The following MAN1A1 variants were observed in gnomAD, a reference collection of about 807,000 sequenced individuals.
The protein encoded by MAN1A1 is mannosyl-oligosaccharide 1,2-alpha-mannosidase IA.
Under a neutral mutation model 70.8 loss-of-function variants are expected in MAN1A1, and 29 were observed. The observed-to-expected ratio is 0.41, with a 90% CI of 0.31 to 0.56. The LOEUF (loss-of-function observed/expected upper bound fraction) is 0.56, where lower values mean the gene tolerates loss of function less well. Ranked by LOEUF, MAN1A1 falls within the 20% of genes least tolerant of loss-of-function variation. The pLI is 0.29. For missense variants in MAN1A1, 747 were observed against 841.3 expected, an observed-to-expected ratio of 0.89 and a Z score of 1.39; for synonymous variants, 349 against 330.1, an observed-to-expected ratio of 1.06 and a Z score of -0.62.
At chr6:119,233,480 A>G (rs1404067380) in intron 6 of MAN1A1, among the ~76,000 whole-genome samples, 23 of 152,218 alleles carry the variant, frequency 1.5e-4, no homozygotes. Flanking sequence ...ATGTAATGAG[A>G]CAATATGCCC....
chr6:119,247,299 T>C (rs1228983974), intron 6 of MAN1A1, among the ~76,000 whole-genome samples: 1 of 152,184 alleles, frequency 6.6e-6, no homozygotes, highest in East Asian at 1.9e-4. Flanking sequence ...AGCTCTACCA[T>C]TTACTTACTG....
intron 2 of MAN1A1, among the ~76,000 whole-genome samples, chr6:119,324,584 T>G (rs1338451054): frequency 6.6e-6 from 1 of 152,186 alleles, no homozygotes; most frequent in Non-Finnish European, 1.5e-5. Context: ...ATCAGAGTAT[T>G]TCTTACCCTT....
intron 5 of MAN1A1, among the ~76,000 whole-genome samples, chr6:119,287,467 G>A (rs993083871): frequency 2.6e-5 from 4 of 151,504 alleles, no homozygotes; most frequent in Non-Finnish European, 5.9e-5. Flanking sequence ...TATCATCTTT[G>A]CTTTACTCTT....
At chr6:119,203,217 G>A (rs539795133) in intron 7 of MAN1A1, among the ~76,000 whole-genome samples, 13 of 152,136 alleles carry the variant, frequency 8.5e-5, no homozygotes, top group Non-Finnish European at 1.5e-4. Context: ...GAGAGTTAAC[G>A]GGACAGGGTG....
intron 6 of MAN1A1, among the ~76,000 whole-genome samples, chr6:119,230,459 C>T (rs1002736289): frequency 6.6e-6 from 1 of 152,162 alleles, no homozygotes; most frequent in Non-Finnish European, 1.5e-5. Context: ...AGCCTCTTGG[C>T]CTTGTCCTGT....
intron 3 of MAN1A1, among the ~76,000 whole-genome samples, chr6:119,302,897 C>T (rs1238537590): frequency 6.6e-6 from 1 of 152,238 alleles, no homozygotes; most frequent in Non-Finnish European, 1.5e-5. Context: ...CCATCCCCTA[C>T]AAGTCCTGAC....
chr6:119,200,030 G>A (rs918498665), intron 8 of MAN1A1, among the ~76,000 whole-genome samples: 1 of 152,040 alleles, frequency 6.6e-6, no homozygotes, highest in African/African-American at 2.4e-5. Context: ...TAACACTGTA[G>A]GTGTAAATAT....
chr6:119,332,331 A>T (rs1409281535), intron 2 of MAN1A1, among the ~76,000 whole-genome samples: 1 of 152,230 alleles, frequency 6.6e-6, no homozygotes, highest in Non-Finnish European at 1.5e-5. Context: ...AAGAATAACA[A>T]ACACATTCTA....
At chr6:119,304,929 G>T (rs1235055369) in intron 3 of MAN1A1, among the ~76,000 whole-genome samples, 1 of 143,882 alleles carries the variant, frequency 7.0e-6, no homozygotes, top group Admixed American at 6.9e-5. Flanking sequence ...TGGCTGAGAA[G>T]TGGGCTAAAG....
chr6:119,198,951 C>T (rs553143452), intron 8 of MAN1A1, among the ~76,000 whole-genome samples: 2 of 152,232 alleles, frequency 1.3e-5, no homozygotes, highest in Admixed American at 6.5e-5. Flanking sequence ...TTAGAAATTA[C>T]ATCAATGAAT....
At chr6:119,333,612 A>T (rs1417333837) in intron 2 of MAN1A1, among the ~76,000 whole-genome samples, 1 of 152,134 alleles carries the variant, frequency 6.6e-6, no homozygotes, top group East Asian at 1.9e-4. Context: ...TAGAACTAAC[A>T]CCTGATTACC....
intron 6 of MAN1A1, among the ~76,000 whole-genome samples, chr6:119,223,683 C>T (rs1410441493): frequency 6.6e-6 from 1 of 151,856 alleles, no homozygotes; most frequent in Non-Finnish European, 1.5e-5. Context: ...AAATTATGGC[C>T]TATTTAGGAG....
intron 2 of MAN1A1, among the ~76,000 whole-genome samples, chr6:119,342,574 C>T (rs1175707507): frequency 6.6e-6 from 1 of 152,168 alleles, no homozygotes. Context: ...ATGGTAGAGG[C>T]CAGATTCAGA....
At chr6:119,243,484 TTG>T (rs1466256237) in intron 6 of MAN1A1, among the ~76,000 whole-genome samples, 1 of 152,068 alleles carries the variant, frequency 6.6e-6, no homozygotes, top group Non-Finnish European at 1.5e-5. Flanking sequence ...CTTTCATAGT[TTG>T]TGTTTATTAA....
intron 6 of MAN1A1, among the ~76,000 whole-genome samples, chr6:119,210,170 C>A (rs1215832943): frequency 6.6e-6 from 1 of 152,142 alleles, no homozygotes; most frequent in Non-Finnish European, 1.5e-5. Context: ...TGGCGAGAGG[C>A]ACTCTCTGAT....
chr6:119,261,238 T>TA (rs1316091487), intron 5 of MAN1A1, among the ~76,000 whole-genome samples: 2 of 152,064 alleles, frequency 1.3e-5, no homozygotes, highest in African/African-American at 4.8e-5. Context: ...CTCCACCTCC[T>TA]AAAGTGCTGG....
intron 5 of MAN1A1, among the ~76,000 whole-genome samples, chr6:119,289,810 A>G (rs2114416145): frequency 6.6e-6 from 1 of 152,152 alleles, no homozygotes; most frequent in South Asian, 2.1e-4. Flanking sequence ...GCTGTGCTTA[A>G]ATCTGTTTGA....
chr6:119,284,693 T>C (rs1776314544), intron 5 of MAN1A1, among the ~76,000 whole-genome samples: 2 of 152,206 alleles, frequency 1.3e-5, no homozygotes, highest in Non-Finnish European at 2.9e-5. Flanking sequence ...GTGATGCTTA[T>C]ACTGTAGTTG....
chr6:119,347,770 G>C (rs562644975), intron 2 of MAN1A1, among the ~76,000 whole-genome samples: 1 of 152,248 alleles, frequency 6.6e-6, no homozygotes, highest in Non-Finnish European at 1.5e-5. Flanking sequence ...AATTAGGAAA[G>C]ATGTATCAAA....
Sources: allele counts gnomAD v4.1 joint callset (sites outside exome capture counted in the v4.1 genomes callset), GRCh38; gene constraint gnomAD v4.1.1; transcripts MANE v1.5; gene names NCBI Gene and HGNC (gene_info 2026-07-23, HGNC 2026-07-21).